The following FGFR1 variants were observed in gnomAD, a reference collection of about 807,000 sequenced individuals.
FGFR1 encodes the protein FGFR1/PLAG1 fusion.
Under a neutral mutation model 93.7 loss-of-function variants are expected in FGFR1, and 18 were observed. The observed-to-expected ratio is 0.19, with a 90% confidence interval of 0.13 to 0.28. FGFR1 has a LOEUF of 0.28. Ranked by LOEUF, FGFR1 falls within the 10% of genes least tolerant of loss-of-function variation. The pLI is 1.00. For synonymous variants in FGFR1, 448 were observed against 429.3 expected (o/e 1.04, Z -0.54); for missense variants, 731 against 1,080.4 (o/e 0.68, Z 4.53).
intron 11 of FGFR1, chr8:38,417,661 C>G (rs1379510518): frequency 2.1e-5 from 16 of 772,198 alleles, no homozygotes; most frequent in Non-Finnish European, 3.3e-5. Context: ...CACCTGACCA[C>G]AGCCCAGGTT....
chr8:38,441,881 C>T (rs2151127969), intron 2 of FGFR1, among the ~76,000 whole-genome samples: 1 of 152,264 alleles, frequency 6.6e-6, no homozygotes, highest in Non-Finnish European at 1.5e-5. Flanking sequence ...GAGCCATCCC[C>T]AATGAAGACT....
chr8:38,421,691 T>C, intron 8 of FGFR1, 106 bp downstream of exon 8: 1 of 1,223,020 alleles, frequency 8.2e-7, no homozygotes, highest in Non-Finnish European at 1.2e-6. Context: ...CAGGAGCCCA[T>C]TCTTCCAGCT....
chr8:38,418,105 G>A lies in FGFR1; in HGVS notation c.1431-114C>T, dbSNP rs779600018. On this transcript the variant is annotated intron_variant, in intron 10 of 17. Coordinates refer to ENST00000447712, the MANE Select transcript of FGFR1 (RefSeq NM_023110.3). ...CCCAACTGCGAGCAGAAAGTGGAAT[G>A]AATGTTTCTGCAGGCATTTCATGAA... 344 of 1,603,550 alleles carry A rather than the reference G, an allele frequency of 2.1e-4. 1 individual carries two copies. The highest frequency in any genetic ancestry group is 2.3e-4 in the Admixed American group (14 of 59,944).
intron 1 of FGFR1, among the ~76,000 whole-genome samples, chr8:38,461,742 G>C (rs1834454856): frequency 6.6e-6 from 1 of 152,196 alleles, no homozygotes; most frequent in Non-Finnish European, 1.5e-5. Flanking sequence ...CATCACAGGT[G>C]ATTATGAGGC....
At chr8:38,425,980 T>G (rs1180319755) in intron 6 of FGFR1, 142 bp downstream of exon 6, 2 of 1,049,884 alleles carry the variant, frequency 1.9e-6, no homozygotes, top group African/African-American at 3.1e-5. Context: ...AAGGGAGAAG[T>G]GACCTGCTCA....
chr8:38,449,795 C>A (rs191322427), intron 2 of FGFR1, among the ~76,000 whole-genome samples: 1 of 152,340 alleles, frequency 6.6e-6, no homozygotes, highest in East Asian at 1.9e-4. Flanking sequence ...GGAGCCCTCA[C>A]CCCACAGCCC....
chr8:38,456,882 T>C (rs1363136513), intron 2 of FGFR1, among the ~76,000 whole-genome samples: 5 of 152,154 alleles, frequency 3.3e-5, no homozygotes, highest in Admixed American at 6.6e-5. Context: ...AGATGTGGCC[T>C]TGAAACAATT....
At chr8:38,440,863 C>T (rs1056598494) in intron 2 of FGFR1, among the ~76,000 whole-genome samples, 1 of 152,206 alleles carries the variant, frequency 6.6e-6, no homozygotes, top group Admixed American at 6.5e-5. Context: ...AAAGGCCGAG[C>T]ACACAGGCCC....
In FGFR1 at chr8:38,426,499, G is replaced by C. The variant is rs752458523; in HGVS notation, c.622-254C>G. 2.1e-4 allele frequency among the ~76,000 whole-genome samples: 32 copies of C among 152,206 alleles called. No homozygotes were observed. Among genetic ancestry groups the C allele is most frequent in the Non-Finnish European group, 4.1e-4 (28 of 68,042 alleles). ...TTCAAGATCATTCGTGATCCGGACA[G>C]ATGTGCCTTCTGCAAACACTCCCAA... On this transcript the variant is annotated intron_variant, in intron 5 of 17. Transcript: ENST00000447712. The surrounding 1 kb of genome is among the most constrained non-coding windows in gnomAD (Gnocchi z 4.1).
intron 2 of FGFR1, among the ~76,000 whole-genome samples, chr8:38,437,295 G>C (rs1825784459): frequency 2.0e-5 from 3 of 152,170 alleles, no homozygotes; most frequent in African/African-American, 7.2e-5. Flanking sequence ...GCTACCATTA[G>C]GTGACTCTGG....
rs771072564 is a variant in FGFR1, at chr8:38,418,335, A to C, written c.1323T>G (p.Val441=). 8.7e-6 allele frequency: 14 copies of C among 1,614,062 alleles called. No individual in the cohort carries two copies. The African/African-American group carries it at 1.7e-4, about 20-fold the overall frequency. ...AGAGCCGTGATGGCCGAACCAGAAG[A>C]ACCCCAGAGTTCATGGATGCACTGG... ...ADSSASMNSG[V]LLVRPSRLSS... is the part of the protein sequence containing the mutation. The change falls in exon 10 of 18, where the codon GTT becomes GTG. Residue 441 remains valine (V), a synonymous_variant. Coordinates refer to ENST00000447712, the MANE Select transcript of FGFR1 (RefSeq NM_023110.3).
chr8:38,423,349 A>G, intron 7 of FGFR1: 1 of 515,812 alleles, frequency 1.9e-6, no homozygotes, highest in Non-Finnish European at 3.3e-6. Context: ...GCAGAGTCTC[A>G]CTCACTCTGT....
chr8:38,433,470 C>A (rs1163439513), intron 2 of FGFR1, among the ~76,000 whole-genome samples: 2 of 152,192 alleles, frequency 1.3e-5, no homozygotes, highest in Non-Finnish European at 2.9e-5. Context: ...GCCACAATGG[C>A]TGGCTTATTT....
At chr8:38,419,897 A>C in intron 8 of FGFR1, 162 bp from the exon 9 acceptor site, 1 of 629,322 alleles carries the variant, frequency 1.6e-6, no homozygotes. Flanking sequence ...CACTAGGAGG[A>C]TCAGGCAACC....
intron 2 of FGFR1, chr8:38,435,798 G>A (rs1189026834): frequency 6.6e-6 from 1 of 152,208 alleles, no homozygotes; most frequent in East Asian, 1.9e-4. Context: ...GGCCAAGAAA[G>A]ATGAAGAAAG....
intron 2 of FGFR1, among the ~76,000 whole-genome samples, chr8:38,432,611 T>C (rs1372758313): frequency 6.6e-6 from 1 of 152,012 alleles, no homozygotes; most frequent in Non-Finnish European, 1.5e-5. Context: ...AGGGGAATGT[T>C]GGTCAGGCTG....
At chr8:38,455,893 T>G (rs1832691467) in intron 2 of FGFR1, among the ~76,000 whole-genome samples, 2 of 152,158 alleles carry the variant, frequency 1.3e-5, no homozygotes, top group South Asian at 4.1e-4. Context: ...ATCCCTGTAC[T>G]TGCCCATCCC....
chr8:38,462,944 C>T (rs1333249930), intron 1 of FGFR1, among the ~76,000 whole-genome samples: 1 of 147,434 alleles, frequency 6.8e-6, no homozygotes, highest in Non-Finnish European at 1.5e-5. Flanking sequence ...TTCCTCTGTC[C>T]CCCAGGCTGG....
At chr8:38,440,176 G>C in intron 2 of FGFR1, 3 of 741,818 alleles carry the variant, frequency 4.0e-6, no homozygotes, top group Non-Finnish European at 4.7e-6. Flanking sequence ...ATTGTGGGTG[G>C]GGGAGGAACT....
Sources: gnomAD v4.1 joint callset for allele counts (sites outside exome capture counted in the v4.1 genomes callset) on GRCh38, gnomAD v4.1.1 for gene constraint, Gnocchi (gnomAD v3.1) non-coding constraint, MANE v1.5 for transcripts, NCBI Gene and HGNC (gene_info 2026-07-23, HGNC 2026-07-21) for gene names.